INTS6: variants seen among roughly 807,000 people sequenced by gnomAD.
INTS6 encodes DEAD box protein.
INTS6 carries 16 observed loss-of-function variants against 104.9 expected under a neutral mutation model. The observed-to-expected ratio is 0.15, with a 90% CI of 0.10 to 0.23. The LOEUF is 0.23. Ranked by LOEUF, INTS6 falls within the 10% of genes least tolerant of loss-of-function variation. INTS6 has a pLI of 1.00. For synonymous variants in INTS6, 324 were observed against 358.7 expected (o/e 0.90, Z 1.09); for missense variants, 584 against 1,062.8 (o/e 0.55, Z 6.26).
At chr13:51,403,005 G>T (rs77389510) in intron 4 of INTS6, among the ~76,000 whole-genome samples, 1 of 152,052 alleles carries the variant, frequency 6.6e-6, no homozygotes, top group Admixed American at 6.5e-5. Flanking sequence ...GATAAACTAC[G>T]CCAAATAAAC....
At chr13:51,419,377 T>C (rs748700034) in intron 4 of INTS6, among the ~76,000 whole-genome samples, 27 of 152,184 alleles carry the variant, frequency 1.8e-4, no homozygotes, top group African/African-American at 3.4e-4. Context: ...GCAGAGAATA[T>C]AGGACGTGCC....
chr13:51,452,758 C>G lies in INTS6; in HGVS notation c.-233G>C, dbSNP rs1211450308. On this transcript the variant is annotated 5_prime_UTR_variant, in exon 1 of 18. Transcript: ENST00000311234. The surrounding 1 kb of genome is among the most constrained non-coding windows in gnomAD (Gnocchi z 4.2). ...TACCCCCGCCTCCGCCTCCTCCTGC[C>G]TGCCTGCCCGCTGGGGCGGGCGCCC... is the stretch of plus-strand genomic sequence containing the variant. The G allele has an allele frequency of 3.2e-6, 4 of 1,234,776 alleles. No individual in the cohort carries two copies. The African/African-American group carries it at 6.5e-5, about 20-fold the overall frequency. The allele number at this position is 1,234,776 out of a possible 1,614,324, so 76.5% of individuals were successfully genotyped here.
chr13:51,348,451 G>A, the INTS6 span: 1 of 1,566,404 alleles, frequency 6.4e-7, no homozygotes, highest in Non-Finnish European at 8.7e-7. Context: ...TGTGCAGCCA[G>A]CAGTCAGAAG....
At position 51,379,486 on chromosome 13, in the gene INTS6, T is replaced by G; in HGVS notation, c.1362A>C (p.Ser454=). 6.3e-7 allele frequency: 1 copy of G among 1,598,664 alleles called. No individual in the cohort carries two copies. Among genetic ancestry groups the G allele is most frequent in the Non-Finnish European group, 8.5e-7 (1 of 1,171,944 alleles). The change falls in exon 11 of 18, where the codon TCA becomes TCC. Residue 454 remains serine (S), a synonymous_variant. Transcript: ENST00000311234. ...CCTGTTGACTCAGTTTTTTGAGGTA[T>G]GAAATGACACTGTAACTAAGTCCAT... ...MEYGLSYSVI[S]YLKKLSQQAK... is the part of the protein sequence containing the mutation.
chr13:51,359,738 G>A (rs529095233), downstream of INTS6, among the ~76,000 whole-genome samples: 13 of 152,058 alleles, frequency 8.5e-5, no homozygotes, highest in East Asian at 1.5e-3. Context: ...ATGAAGTCTC[G>A]GAGATTAGTA....
At chr13:51,443,788 C>G (rs1952841784) in intron 3 of INTS6, 1 of 151,652 alleles carries the variant, frequency 6.6e-6, no homozygotes, top group South Asian at 2.1e-4. Context: ...GTTATTATGG[C>G]CAAAAATCAT....
At position 51,379,579 on chromosome 13, in the gene INTS6, GA is replaced by G; in HGVS notation, c.1276-8del. ...TAACAGCTTTCTTCAAGGGCTATAG[GA>G]AAAAAGAAAACATCATTCAATATTA... On this transcript the variant is annotated splice_region_variant and splice_polypyrimidine_tract_variant and intron_variant, in intron 10 of 17. Transcript: ENST00000311234. 1.3e-6 allele frequency: 2 copies of G among 1,481,708 alleles called. No homozygotes were observed. The highest frequency in any genetic ancestry group is 1.9e-6 in the Non-Finnish European group (2 of 1,081,046). The allele number at this position is 1,481,708 out of a possible 1,614,324, so 91.8% of individuals were successfully genotyped here.
At chr13:51,360,121 C>T (rs533914747), downstream of INTS6, among the ~76,000 whole-genome samples, 2 of 152,202 alleles carry the variant, frequency 1.3e-5, no homozygotes, top group Admixed American at 1.3e-4. Flanking sequence ...TTTATTCTCT[C>T]ATGGCATTCA....
intron 15 of INTS6, among the ~76,000 whole-genome samples, chr13:51,373,051 A>AT (rs201584389): frequency 0.016 from 2,407 of 151,904 alleles, 28 homozygotes; most frequent in Non-Finnish European, 0.027. Context: ...TGGAAAAAAT[A>AT]TTTTTTTTCC....
In INTS6 at chr13:51,452,382, C is replaced by A. The variant is rs747272926; in HGVS notation, c.111+33G>T. 8 of 1,526,038 alleles carry A rather than the reference C, an allele frequency of 5.2e-6. No homozygotes were observed. The African/African-American group carries it at 1.2e-4, about 22-fold the overall frequency. 94.5% of individuals were successfully genotyped at this position (1,526,038 alleles called of 1,614,324 possible). On this transcript the variant is annotated intron_variant, in intron 1 of 17. Transcript: ENST00000311234. The surrounding 1 kb of genome is among the most constrained non-coding windows in gnomAD (Gnocchi z 4.2). ...CCCTGCCGCCCGCGGGCCGCCGGGC[C>A]GGGGTCGCCGCCCGGGCTCGGTCAG...
Position 51,398,904 on chromosome 13 carries a change from T to C in INTS6, c.430-3421A>G, listed in dbSNP as rs903057458. Among the ~76,000 whole-genome samples, 4 of 152,164 alleles carry C rather than the reference T, an allele frequency of 2.6e-5. No individual in the cohort carries two copies. The South Asian group carries it at 6.2e-4, about 24-fold the overall frequency. On this transcript the variant is annotated intron_variant, in intron 4 of 17. Transcript: ENST00000311234. Reference sequence around the variant, plus strand: ...CCAACATGGATAGATCTCAAAACAATGTTTTTTGGGTAATATAACATACAT... The same window carrying C: ...CCAACATGGATAGATCTCAAAACAACGTTTTTTGGGTAATATAACATACAT...
downstream of INTS6, among the ~76,000 whole-genome samples, chr13:51,350,287 TA>T (rs1210344481): frequency 6.6e-6 from 1 of 151,948 alleles, no homozygotes; most frequent in Non-Finnish European, 1.5e-5. Context: ...TATAAATAAA[TA>T]AAAAAAGTGC....
At chr13:51,439,453 A>G (rs1054153847) in intron 3 of INTS6, 1 of 152,162 alleles carries the variant, frequency 6.6e-6, no homozygotes, top group African/African-American at 2.4e-5. Flanking sequence ...CTCTCTCTCC[A>G]TATACCAATA....
At chr13:51,421,050 G>C (rs755132154) in intron 4 of INTS6, 51 of 763,210 alleles carry the variant, frequency 6.7e-5, no homozygotes, top group Non-Finnish European at 7.8e-5. Flanking sequence ...ATTCTATGTT[G>C]AATCAGATTC....
At chr13:51,418,648 C>G (rs1011725336) in intron 4 of INTS6, among the ~76,000 whole-genome samples, 29 of 152,098 alleles carry the variant, frequency 1.9e-4, no homozygotes, top group Non-Finnish European at 4.4e-5. Context: ...CAATGTACAT[C>G]CAAAAGGAAT....
At chr13:51,446,048 A>C (rs1449248024) in intron 3 of INTS6, 1 of 152,140 alleles carries the variant, frequency 6.6e-6, no homozygotes, top group Non-Finnish European at 1.5e-5. Context: ...CCAAAGGCAC[A>C]GGCAATAAAA....
At chr13:51,372,504 T>C (rs947591483) in intron 15 of INTS6, among the ~76,000 whole-genome samples, 2 of 152,166 alleles carry the variant, frequency 1.3e-5, no homozygotes, top group African/African-American at 2.4e-5. Flanking sequence ...TTTGCCTTGG[T>C]GAGATTTTAT....
At chr13:51,360,439 G>A (rs115048786), downstream of INTS6, among the ~76,000 whole-genome samples, 1,296 of 152,102 alleles carry the variant, frequency 8.5e-3, 18 homozygotes, top group African/African-American at 0.029. Flanking sequence ...TGGACTGAAT[G>A]ATTTCCTAAG....
rs140974826 is a variant in INTS6, at chr13:51,427,692, C to A, written c.429+2602G>T. Reference sequence around the variant, plus strand: ...TACTTTTGCTTTAAAACAAATGAACCTTCCACCTCAGATAATAAGGTGCAA... The same window carrying A: ...TACTTTTGCTTTAAAACAAATGAACATTCCACCTCAGATAATAAGGTGCAA... On this transcript the variant is annotated intron_variant, in intron 4 of 17. Coordinates refer to ENST00000311234, the MANE Select transcript of INTS6 (RefSeq NM_012141.3). 1.4e-3 allele frequency among the ~76,000 whole-genome samples: 208 copies of A among 152,272 alleles called. 1 individual carries two copies. The highest frequency in any genetic ancestry group is 4.8e-3 in the African/African-American group (200 of 41,552).
Sources: allele counts gnomAD v4.1 joint callset (sites outside exome capture counted in the v4.1 genomes callset), GRCh38; gene constraint gnomAD v4.1.1; non-coding constraint Gnocchi (gnomAD v3.1); transcripts MANE v1.5; gene names NCBI Gene and HGNC (gene_info 2026-07-23, HGNC 2026-07-21).